PPIH: variants seen among roughly 807,000 people sequenced by gnomAD.
PPIH encodes the protein peptidyl-prolyl cis-trans isomerase H.
A neutral mutation model predicts 27.6 loss-of-function variants in PPIH; 16 were observed. The observed-to-expected ratio is 0.58, with a 90% CI of 0.39 to 0.88. PPIH has a LOEUF of 0.88. Ranked by LOEUF, PPIH falls within the 40% of genes least tolerant of loss-of-function variation. The probability of loss-of-function intolerance (pLI) is 0.00; values close to 1 mark genes in which losing one functional copy is unlikely to be tolerated. For missense variants in PPIH, 155 were observed against 224.1 expected (o/e 0.69, Z 1.97); for synonymous variants, 63 against 76.1 (o/e 0.83, Z 0.90).
intron 9 of PPIH, among the ~76,000 whole-genome samples, chr1:42,674,613 T>A (rs1649796418): frequency 6.6e-6 from 1 of 152,172 alleles, no homozygotes. Context: ...TATGAACCAC[T>A]TAAGGATTTT....
At chr1:42,678,078 C>T (rs889840056), downstream of PPIH, among the ~76,000 whole-genome samples, 2 of 152,170 alleles carry the variant, frequency 1.3e-5, no homozygotes, top group Non-Finnish European at 2.9e-5. Flanking sequence ...ATTTGCAACT[C>T]TAGCCAAGGA....
chr1:42,662,231 T>C lies in PPIH; in HGVS notation c.243+1327T>C, dbSNP rs567541643. ...TGTCGATAACTCTGGGGTTAGACAA[T>C]AGTTGCTCAGTCTGAAGGCCGAGTT... On this transcript the variant is annotated intron_variant, in intron 5 of 9. Transcript: ENST00000304979. Among the ~76,000 whole-genome samples, 6 of 152,164 alleles carry C rather than the reference T, an allele frequency of 3.9e-5. No individual in the cohort carries two copies. In the East Asian group the frequency reaches 9.7e-4, roughly 25 times the overall value.
intron 9 of PPIH, among the ~76,000 whole-genome samples, chr1:42,670,987 G>C (rs1570399212): frequency 6.6e-6 from 1 of 152,028 alleles, no homozygotes; most frequent in East Asian, 1.9e-4. Flanking sequence ...GTAGAGACGG[G>C]GTTTCATCGT....
intron 7 of PPIH, 83 bp from the exon 8 acceptor site, chr1:42,666,464 G>T (rs556637124): frequency 5.0e-6 from 7 of 1,393,124 alleles, no homozygotes; most frequent in African/African-American, 1.4e-5. Context: ...AGGGTTTAAT[G>T]AGAAAATAGC....
At chr1:42,662,215 C>T (rs1649072792) in intron 5 of PPIH, among the ~76,000 whole-genome samples, 1 of 151,956 alleles carries the variant, frequency 6.6e-6, no homozygotes, top group South Asian at 2.1e-4. Flanking sequence ...TTGTCGATAA[C>T]TCTGGGGTTA....
chr1:42,663,403 CTT>C (rs916189112), intron 5 of PPIH, among the ~76,000 whole-genome samples: 1 of 145,294 alleles, frequency 6.9e-6, no homozygotes, highest in Non-Finnish European at 1.5e-5. Context: ...AAATTCAGAT[CTT>C]TTTTTTTTTT....
At chr1:42,677,093 A>C (rs1649914509), downstream of PPIH, among the ~76,000 whole-genome samples, 1 of 152,202 alleles carries the variant, frequency 6.6e-6, no homozygotes, top group African/African-American at 2.4e-5. Context: ...TGACCTATCT[A>C]CTTACCTCAG....
chr1:42,670,716 A>G (rs1179681577), intron 9 of PPIH, among the ~76,000 whole-genome samples: 1 of 152,192 alleles, frequency 6.6e-6, no homozygotes, highest in Non-Finnish European at 1.5e-5. Context: ...TATGGTTGCT[A>G]CCAGCCCCAT....
At chr1:42,667,314 C>G in intron 8 of PPIH, 37 bp from the exon 9 acceptor site, 4 of 1,539,526 alleles carry the variant, frequency 2.6e-6, no homozygotes, top group Non-Finnish European at 3.6e-6. Flanking sequence ...GAGGAAGTGC[C>G]TGAGTGGATG....
chr1:42,677,364 C>G (rs1649922810), downstream of PPIH, among the ~76,000 whole-genome samples: 1 of 152,130 alleles, frequency 6.6e-6, no homozygotes, highest in Non-Finnish European at 1.5e-5. Flanking sequence ...AGCCACCCAT[C>G]TGGTGGCTGA....
chr1:42,674,933 C>T (rs1174742274), intron 9 of PPIH, among the ~76,000 whole-genome samples: 1 of 152,212 alleles, frequency 6.6e-6, no homozygotes, highest in Non-Finnish European at 1.5e-5. Flanking sequence ...AAGCTGCTTG[C>T]ATTGCAGCCA....
At chr1:42,679,900 A>G (rs1220334566), downstream of PPIH, among the ~76,000 whole-genome samples, 2 of 152,240 alleles carry the variant, frequency 1.3e-5, no homozygotes, top group East Asian at 3.8e-4. Flanking sequence ...GATTACTGGC[A>G]CAGCTGCCCA....
chr1:42,673,662 T>A (rs1486891807), intron 9 of PPIH, among the ~76,000 whole-genome samples: 1 of 152,246 alleles, frequency 6.6e-6, no homozygotes, highest in Non-Finnish European at 1.5e-5. Context: ...GTAACAAGTA[T>A]CTCACATGCT....
intron 9 of PPIH, among the ~76,000 whole-genome samples, chr1:42,669,035 T>C (rs913148752): frequency 2.7e-5 from 4 of 146,932 alleles, no homozygotes; most frequent in African/African-American, 1.0e-4. Context: ...CCTGGTGAGA[T>C]CCCGTCTTTC....
chr1:42,659,061 T>C (rs1648843885), intron 2 of PPIH, among the ~76,000 whole-genome samples, 153 bp downstream of exon 2: 1 of 152,238 alleles, frequency 6.6e-6, no homozygotes, highest in Admixed American at 6.5e-5. Flanking sequence ...CCGTTTGGAT[T>C]GTTCCCGTGT....
At position 42,658,895 on chromosome 1, in the gene PPIH, G is replaced by A. The variant is rs747798490; in HGVS notation, c.118G>A (p.Ala40Thr). 2 of 1,614,220 alleles carry A rather than the reference G, an allele frequency of 1.2e-6. No individual in the cohort carries two copies. Among genetic ancestry groups the A allele is most frequent in the South Asian group, 2.2e-5 (2 of 91,088 alleles). ...CTTTGCAGACGTTGTGCCTAAGACG[G>A]CCGAGAACTTTAGGTAAGGACGTGC... ...ELFADVVPKT[A>T]ENFRQFCTGE... The change falls in exon 2 of 10, where the codon GCC becomes ACC. Residue 40 changes from alanine to threonine, a missense_variant. This residue lies in a region of PPIH where 96 missense variants were observed against 175.3 expected (regional missense o/e 0.55). Transcript: ENST00000304979.
At chr1:42,668,282 GCTTTGC>G (rs1360197360) in intron 9 of PPIH, among the ~76,000 whole-genome samples, 1 of 151,456 alleles carries the variant, frequency 6.6e-6, no homozygotes, top group Non-Finnish European at 1.5e-5. Flanking sequence ...TTGTTTTATT[GCTTTGC>G]CTTGACATTT....
In PPIH at chr1:42,659,356, T is replaced by C. The variant is rs142329121; in HGVS notation, c.155+105T>C. The C allele has an allele frequency of 7.8e-4, 1,259 of 1,614,210 alleles. 15 individuals carry two copies. In the African/African-American group the frequency reaches 0.013, roughly 17 times the overall value. On this transcript the variant is annotated intron_variant, in intron 3 of 9. Transcript: ENST00000304979. Reference sequence around the variant, plus strand: ...CCTGCTGGCCTTGAATGATTGCTGGTGACAGTGATAGAAGGTAATGCCCCA... The same window carrying C: ...CCTGCTGGCCTTGAATGATTGCTGGCGACAGTGATAGAAGGTAATGCCCCA...
chr1:42,662,762 C>T (rs957866296), intron 5 of PPIH, among the ~76,000 whole-genome samples: 1 of 152,192 alleles, frequency 6.6e-6, no homozygotes, highest in African/African-American at 2.4e-5. Context: ...GAATTACCCT[C>T]ATTCTCACCT....
Sources: allele counts gnomAD v4.1 joint callset (sites outside exome capture counted in the v4.1 genomes callset), GRCh38; gene constraint gnomAD v4.1.1; regional missense constraint gnomAD v4.1.1; transcripts MANE v1.5; gene names NCBI Gene and HGNC (gene_info 2026-07-23, HGNC 2026-07-21).